Variants in GSK3B observed in about 807,000 individuals in gnomAD.
The protein encoded by GSK3B is glycogen synthase kinase-3 beta.
A neutral mutation model predicts 56.4 loss-of-function variants in GSK3B; 15 were observed. The ratio of observed to expected loss-of-function variants is 0.27; its 90% CI spans 0.18 to 0.41. The LOEUF is 0.41. GSK3B is among the 10% of genes least tolerant of loss of function. The pLI is 1.00. For synonymous variants in GSK3B, 181 were observed against 188.9 expected, an observed-to-expected ratio of 0.96 and a Z score of 0.34; for missense variants, 300 against 513.4, an observed-to-expected ratio of 0.58 and a Z score of 4.02.
At chr3:119,858,964 C>A (rs1022447937) in intron 9 of GSK3B, among the ~76,000 whole-genome samples, 1 of 151,896 alleles carries the variant, frequency 6.6e-6, no homozygotes, top group Non-Finnish European at 1.5e-5. Flanking sequence ...ACTTCCAAAA[C>A]AATCACAATA....
intron 10 of GSK3B, among the ~76,000 whole-genome samples, chr3:119,842,257 AG>A (rs960554933): frequency 1.3e-5 from 2 of 152,204 alleles, no homozygotes; most frequent in Non-Finnish European, 2.9e-5. Flanking sequence ...TCACTAAATC[AG>A]GCCCCACCAT....
chr3:119,888,779 G>A (rs998680054), intron 7 of GSK3B, among the ~76,000 whole-genome samples: 1 of 152,042 alleles, frequency 6.6e-6, no homozygotes, highest in Admixed American at 6.6e-5. Context: ...TTCCTAGCAA[G>A]GATTAATACT....
At chr3:120,085,276 CTTA>C (rs1348252179) in intron 1 of GSK3B, among the ~76,000 whole-genome samples, 2 of 152,198 alleles carry the variant, frequency 1.3e-5, no homozygotes, top group South Asian at 4.1e-4. Flanking sequence ...GTAATTATAT[CTTA>C]TTATTAAAAG....
rs570745209 is a variant in GSK3B, at chr3:119,923,286, C to A, written c.477+87G>T. The A allele has an allele frequency of 4.9e-5, 33 of 674,794 alleles. No individual in the cohort carries two copies. The South Asian group carries it at 5.9e-4, about 12-fold the overall frequency. 41.8% of individuals were successfully genotyped at this position (674,794 alleles called of 1,614,324 possible). A position where few individuals can be genotyped will look rare whatever the true frequency, so the allele number is the denominator to read the frequency against. ...AGTTTTTCTCCCTGAGTATTAAATA[C>A]AATAATATAGTTAAAACATAAAAGA... On this transcript the variant is annotated intron_variant, in intron 4 of 10. Coordinates refer to ENST00000264235, the MANE Select transcript of GSK3B (RefSeq NM_001146156.2).
chr3:119,970,743 C>CGCCACTGCACTCCA (rs2057358198), intron 2 of GSK3B, among the ~76,000 whole-genome samples: 1 of 151,620 alleles, frequency 6.6e-6, no homozygotes, highest in Non-Finnish European at 1.5e-5. Flanking sequence ...GCTGAGATCG[C>CGCCACTGCACTCCA]GCCACTGCAC....
chr3:119,925,868 G>C (rs1308446704), intron 3 of GSK3B, among the ~76,000 whole-genome samples: 1 of 152,032 alleles, frequency 6.6e-6, no homozygotes, highest in African/African-American at 2.4e-5. Context: ...CAATCTCCTT[G>C]TTGCTGAATC....
chr3:119,949,787 C>A (rs1246566237), intron 2 of GSK3B, among the ~76,000 whole-genome samples: 1 of 128,824 alleles, frequency 7.8e-6, no homozygotes, highest in Non-Finnish European at 1.6e-5. Context: ...GAGCAAGACT[C>A]CGTCTCAAAA....
intron 1 of GSK3B, among the ~76,000 whole-genome samples, chr3:120,048,381 G>A (rs2058120644): frequency 6.6e-6 from 1 of 152,180 alleles, no homozygotes; most frequent in South Asian, 2.1e-4. Flanking sequence ...CATTCAAATT[G>A]TTCCAAGACT....
At chr3:120,015,064 A>G (rs1576272477) in intron 1 of GSK3B, among the ~76,000 whole-genome samples, 1 of 152,206 alleles carries the variant, frequency 6.6e-6, no homozygotes, top group African/African-American at 2.4e-5. Context: ...GGTTTATATC[A>G]CAAGTTCAAC....
At chr3:120,007,086 C>G (rs2057735960) in intron 1 of GSK3B, among the ~76,000 whole-genome samples, 1 of 151,988 alleles carries the variant, frequency 6.6e-6, no homozygotes, top group Non-Finnish European at 1.5e-5. Flanking sequence ...AGGGGATCAC[C>G]ACTGATCCCA....
Position 120,093,390 on chromosome 3 carries a change from C to T in GSK3B, c.45G>A (p.Lys15=), listed in dbSNP as rs2058531163. Residue 15 remains lysine, a synonymous_variant, in exon 1 of 11, where the codon AAG becomes AAA. Coordinates refer to ENST00000264235, the MANE Select transcript of GSK3B (RefSeq NM_001146156.2). ...CAAAAGCTGAAGGCTGCTGCACCGGCTTGCAGCTCTCCGCAAAGGAGGTGG... is the reference window on the plus strand; with the variant it reads ...CAAAAGCTGAAGGCTGCTGCACCGGTTTGCAGCTCTCCGCAAAGGAGGTGG... The part of the protein sequence containing the change: ...PRTTSFAESC[K]PVQQPSAFGS... 1 of 1,613,776 alleles carries T rather than the reference C, an allele frequency of 6.2e-7. No homozygotes were observed.
chr3:119,968,932 T>TA (rs1337521558), intron 2 of GSK3B, among the ~76,000 whole-genome samples: 1 of 152,136 alleles, frequency 6.6e-6, no homozygotes, highest in Non-Finnish European at 1.5e-5. Context: ...GCATTAAAAT[T>TA]AAAACATAAT....
intron 8 of GSK3B, chr3:119,866,600 G>A (rs1208661983): frequency 6.9e-6 from 11 of 1,603,520 alleles, no homozygotes; most frequent in African/African-American, 1.3e-5. Context: ...CCGCACTCCT[G>A]AGGTGAAATG....
chr3:120,011,711 T>C (rs1576269980), intron 1 of GSK3B, among the ~76,000 whole-genome samples: 2 of 152,298 alleles, frequency 1.3e-5, no homozygotes, highest in East Asian at 3.9e-4. Context: ...AGTAGTGCCA[T>C]GGGTCGGTCA....
chr3:120,088,125 CTCGTGA>C (rs2058480789), intron 1 of GSK3B, among the ~76,000 whole-genome samples: 1 of 152,184 alleles, frequency 6.6e-6, no homozygotes, highest in Non-Finnish European at 1.5e-5. Flanking sequence ...ATCTCCTGAC[CTCGTGA>C]TCCACCCGCC....
intron 9 of GSK3B, chr3:119,843,582 A>G: frequency 4.7e-6 from 1 of 213,780 alleles, no homozygotes; most frequent in African/African-American, 2.4e-5. Flanking sequence ...GTCTCTACTA[A>G]AAATACAAAA....
chr3:120,021,349 CAA>C (rs372298849), intron 1 of GSK3B, among the ~76,000 whole-genome samples: 29 of 96,272 alleles, frequency 3.0e-4, no homozygotes, highest in Non-Finnish European at 3.4e-4. Context: ...ACTAAAAATA[CAA>C]AAAAAAAAAA....
intron 7 of GSK3B, among the ~76,000 whole-genome samples, chr3:119,894,301 T>C (rs1177083068): frequency 3.9e-5 from 6 of 152,126 alleles, no homozygotes; most frequent in African/African-American, 1.4e-4. Flanking sequence ...AATTGCTGGG[T>C]CATATAACTC....
intron 9 of GSK3B, among the ~76,000 whole-genome samples, chr3:119,856,326 A>AT (rs2056022727): frequency 6.6e-6 from 1 of 152,190 alleles, no homozygotes; most frequent in Non-Finnish European, 1.5e-5. Context: ...TATATATCAT[A>AT]TACCACCAGT....
Sources: allele counts gnomAD v4.1 joint callset (sites outside exome capture counted in the v4.1 genomes callset), GRCh38; gene constraint gnomAD v4.1.1; transcripts MANE v1.5; gene names NCBI Gene and HGNC (gene_info 2026-07-23, HGNC 2026-07-21).